Variants in VAV2 observed in about 807,000 individuals in gnomAD.
VAV2 encodes vav guanine nucleotide exchange factor 2.
A neutral mutation model predicts 132.5 loss-of-function variants in VAV2; 67 were observed. The ratio of observed to expected loss-of-function variants is 0.51; its 90% CI spans 0.42 to 0.62. VAV2 has a LOEUF of 0.62. Ranked by LOEUF, VAV2 falls within the 20% of genes least tolerant of loss-of-function variation. VAV2 has a pLI of 0.00. For synonymous variants in VAV2, 492 were observed against 443.5 expected, an observed-to-expected ratio of 1.11 and a Z score of -1.37; for missense variants, 938 against 1,153.6, an observed-to-expected ratio of 0.81 and a Z score of 2.71.
intron 3 of VAV2, among the ~76,000 whole-genome samples, chr9:133,835,345 C>A (rs1836427319): frequency 6.8e-6 from 1 of 147,028 alleles, no homozygotes; most frequent in Admixed American, 6.9e-5. Flanking sequence ...CAGGCCAGCA[C>A]AGGCCAACCA....
rs1043046925 is a variant in VAV2 at position 133,768,217 on chromosome 9, C to T, written c.2589+225G>A. ...TGGATCCGCATCAGACCTCTGTAGC[C>T]GATTTCTGGCTGTGTGACCTTGGGT... On this transcript the variant is annotated intron_variant, in intron 29 of 29. Transcript: ENST00000371850. The surrounding 1 kb of genome is among the most constrained non-coding windows in gnomAD (Gnocchi z 5.3). Among the ~76,000 whole-genome samples, 2 of 152,134 alleles carry T rather than the reference C, an allele frequency of 1.3e-5. No individual in the cohort carries two copies. The highest frequency in any genetic ancestry group is 1.9e-4 in the East Asian group (1 of 5,198).
At chr9:133,795,589 T>G (rs1197703398) in intron 12 of VAV2, 79 bp downstream of exon 12, 27 of 1,554,002 alleles carry the variant, frequency 1.7e-5, no homozygotes, top group Non-Finnish European at 2.4e-5. Flanking sequence ...CTGAGGCTCG[T>G]TAATGAGCCC....
chr9:133,924,244 TATA>T (rs1840393653), intron 2 of VAV2, among the ~76,000 whole-genome samples: 1 of 152,168 alleles, frequency 6.6e-6, no homozygotes, highest in Non-Finnish European at 1.5e-5. Context: ...AGTGCAGTGG[TATA>T]TCTCTGCTCA....
chr9:133,911,680 C>T (rs1839889161), intron 2 of VAV2, among the ~76,000 whole-genome samples: 1 of 152,336 alleles, frequency 6.6e-6, no homozygotes, highest in Non-Finnish European at 1.5e-5. Flanking sequence ...CTCGTCTTTC[C>T]TGCTCCCCCA....
rs1217979822 is a variant in VAV2 at position 133,776,032 on chromosome 9, G to A, written c.2014C>T (p.Pro672Ser). Residue 672 changes from proline (P) to serine (S), a missense_variant, in exon 24 of 30, where the codon CCC becomes TCC. By Grantham distance (74) the Pro-to-Ser change is moderately conservative (BLOSUM62 -1). Coordinates refer to ENST00000371850, the MANE Select transcript of VAV2 (RefSeq NM_001134398.2). ...TGCAGCCCACGATCCACTCACCAGG[G>A]GTATGCAGTGTAGTCGATCTCCCGG... ...PSREIDYTAY[P>S]WFAGNMERQQ... The A allele has an allele frequency of 2.5e-6, 4 of 1,612,702 alleles. No individual in the cohort carries two copies. The highest frequency in any genetic ancestry group is 2.2e-5 in the East Asian group (1 of 44,816).
At chr9:133,860,144 T>C (rs1476015026) in intron 3 of VAV2, among the ~76,000 whole-genome samples, 1 of 151,206 alleles carries the variant, frequency 6.6e-6, no homozygotes, top group African/African-American at 2.4e-5. Flanking sequence ...CTACTGAAAA[T>C]ACAAAAAATT....
chr9:133,769,643 A>G lies in VAV2; in HGVS notation c.2348-140T>C. 2.3e-6 allele frequency: 2 copies of G among 880,788 alleles called. No individual in the cohort carries two copies. Among genetic ancestry groups the G allele is most frequent in the Admixed American group, 2.6e-5 (1 of 38,884 alleles). 54.6% of individuals were successfully genotyped at this position (880,788 alleles called of 1,614,324 possible). A position where few individuals can be genotyped will look rare whatever the true frequency, so the allele number is the denominator to read the frequency against. On this transcript the variant is annotated intron_variant, in intron 27 of 29. Coordinates refer to ENST00000371850, the MANE Select transcript of VAV2 (RefSeq NM_001134398.2). The surrounding 1 kb of genome is among the most constrained non-coding windows in gnomAD (Gnocchi z 8.1). ...GGCCCTACAGGGGGGCAAAGGAGGCAGGGGGCAGCACGGGTTGTCAAGCCC... is the reference window on the plus strand; with the variant it reads ...GGCCCTACAGGGGGGCAAAGGAGGCGGGGGGCAGCACGGGTTGTCAAGCCC...
At chr9:133,974,161 C>A (rs1217476561) in intron 1 of VAV2, among the ~76,000 whole-genome samples, 1 of 152,206 alleles carries the variant, frequency 6.6e-6, no homozygotes, top group Non-Finnish European at 1.5e-5. Context: ...CCTCACACTC[C>A]CTCCACACTG....
At chr9:133,785,307 T>C (rs1464925394) in intron 17 of VAV2, among the ~76,000 whole-genome samples, 1 of 152,214 alleles carries the variant, frequency 6.6e-6, no homozygotes, top group Non-Finnish European at 1.5e-5. Flanking sequence ...TCATCATCTT[T>C]CTCTGTTTCA....
At chr9:133,829,918 C>T (rs1836198775) in intron 4 of VAV2, among the ~76,000 whole-genome samples, 1 of 152,186 alleles carries the variant, frequency 6.6e-6, no homozygotes, top group African/African-American at 2.4e-5. Context: ...GGGCCTGGGT[C>T]TTGGGAGGCA....
rs1260813812 is a variant in VAV2 at position 133,824,673 on chromosome 9, C to A, written c.449+9599G>T. On this transcript the variant is annotated intron_variant, in intron 4 of 29. Transcript: ENST00000371850. This position sits in a 1 kb window ranked among gnomAD's most constrained non-coding sequence, Gnocchi z 5.2. ...AACCTCGAGTGAGAAGTGCAGGGGC[C>A]CACAACGGGGTCCCAGGTCCCAGGT... Among the ~76,000 whole-genome samples the A allele has an allele frequency of 2.0e-5, 3 of 152,022 alleles. No homozygotes were observed. Among genetic ancestry groups the A allele is most frequent in the Non-Finnish European group, 2.9e-5 (2 of 67,990 alleles).
chr9:133,948,872 A>G (rs113465139), intron 1 of VAV2, among the ~76,000 whole-genome samples: 3,261 of 152,310 alleles, frequency 0.021, 109 homozygotes, highest in African/African-American at 0.075. Flanking sequence ...CCTGCTCATC[A>G]GGGTAGTGAG....
chr9:133,919,998 G>C lies in VAV2; in HGVS notation c.321+19105C>G, dbSNP rs549114918. Among the ~76,000 whole-genome samples the C allele has an allele frequency of 1.3e-5, 2 of 152,176 alleles. No individual in the cohort carries two copies. Among genetic ancestry groups the C allele is most frequent in the African/African-American group, 2.4e-5 (1 of 41,442 alleles). On this transcript the variant is annotated intron_variant, in intron 2 of 29. Transcript: ENST00000371850. This position sits in a 1 kb window ranked among gnomAD's most constrained non-coding sequence, Gnocchi z 5.8. The stretch of plus-strand genomic sequence containing the variant: ...GCACCTGTTCTCTGCGCTGAGCCAC[G>C]TGCCAGGAGGCCAGACAGGCCTGGG...
intron 3 of VAV2, among the ~76,000 whole-genome samples, chr9:133,838,602 G>T (rs1215144360): frequency 6.8e-6 from 1 of 146,804 alleles, no homozygotes; most frequent in Non-Finnish European, 1.5e-5. Flanking sequence ...TGGGTGGATG[G>T]ATGGATGTAT....
At chr9:133,793,455 G>C (rs899358597) in intron 12 of VAV2, among the ~76,000 whole-genome samples, 2 of 152,166 alleles carry the variant, frequency 1.3e-5, no homozygotes. Context: ...GCAGCACGCT[G>C]TCTGAAAGGG....
chr9:133,844,366 C>T (rs1836846982), intron 3 of VAV2, among the ~76,000 whole-genome samples: 1 of 152,208 alleles, frequency 6.6e-6, no homozygotes, highest in Admixed American at 6.5e-5. Flanking sequence ...TCACTCCATG[C>T]CAGCCCTCTT....
Position 133,804,431 on chromosome 9 carries a change from T to A in VAV2, c.836+1650A>T, listed in dbSNP as rs1835057226. ...GCTCCAAGGCAGAGATGCCCGCTGT[T>A]CCTCAGCGGGAACCACCCATGCAAG... On this transcript the variant is annotated intron_variant, in intron 9 of 29. Transcript: ENST00000371850. The surrounding 1 kb of genome is among the most constrained non-coding windows in gnomAD (Gnocchi z 4.5). Among the ~76,000 whole-genome samples the A allele has an allele frequency of 6.6e-6, 1 of 152,132 alleles. No individual in the cohort carries two copies. The highest frequency in any genetic ancestry group is 1.5e-5 in the Non-Finnish European group (1 of 68,004).
At position 133,925,419 on chromosome 9, in the gene VAV2, C is replaced by T. The variant is rs545272772; in HGVS notation, c.321+13684G>A. Among the ~76,000 whole-genome samples the T allele has an allele frequency of 2.2e-4, 34 of 152,284 alleles. No individual in the cohort carries two copies. In the East Asian group the frequency reaches 3.9e-3, roughly 17 times the overall value. ...TTTTAGTACAGACGGGGTTTCACCA[C>T]GTTGTCCAAGCTGGTCTTAAACTCC... On this transcript the variant is annotated intron_variant, in intron 2 of 29. Coordinates refer to ENST00000371850, the MANE Select transcript of VAV2 (RefSeq NM_001134398.2).
At chr9:133,851,017 G>A (rs967755767) in intron 3 of VAV2, among the ~76,000 whole-genome samples, 1 of 152,230 alleles carries the variant, frequency 6.6e-6, no homozygotes, top group African/African-American at 2.4e-5. Flanking sequence ...CTCTGGAGCT[G>A]AAAACTGGAG....
Sources: gnomAD v4.1 joint callset for allele counts (sites outside exome capture counted in the v4.1 genomes callset) on GRCh38, gnomAD v4.1.1 for gene constraint, Gnocchi (gnomAD v3.1) non-coding constraint, MANE v1.5 for transcripts, NCBI Gene and HGNC (gene_info 2026-07-23, HGNC 2026-07-21) for gene names.